The following ST3GAL4 variants were observed in gnomAD, a reference collection of about 807,000 sequenced individuals.
ST3GAL4 encodes the protein CMP-N-acetylneuraminate-beta-galactosamide-alpha-2,3-sialyltransferase 4.
ST3GAL4 carries 24 observed loss-of-function variants against 42.6 expected under a neutral mutation model. The observed-to-expected ratio is 0.56, with a 90% CI of 0.41 to 0.79. ST3GAL4 has a LOEUF of 0.79. Among genes scored for constraint, ST3GAL4 ranks in the 30% least tolerant of loss-of-function variants. ST3GAL4 has a pLI of 0.00. For missense variants in ST3GAL4, 311 were observed against 430.8 expected, an observed-to-expected ratio of 0.72 and a Z score of 2.46; for synonymous variants, 135 against 163.2, an observed-to-expected ratio of 0.83 and a Z score of 1.32.
intron 8 of ST3GAL4, chr11:126,408,932 C>T: frequency 2.4e-6 from 1 of 418,774 alleles, no homozygotes; most frequent in Non-Finnish European, 4.3e-6. Flanking sequence ...CTGAACTGTC[C>T]CATCTGGCAT....
rs150393998 is a variant in ST3GAL4, at chr11:126,386,298, A to T, written c.-60-19798A>T. On this transcript the variant is annotated intron_variant, in intron 1 of 10. Coordinates refer to ENST00000444328, the MANE Select transcript of ST3GAL4 (RefSeq NM_001254757.2). The surrounding 1 kb of genome is among the most constrained non-coding windows in gnomAD (Gnocchi z 4.7). ...CGTGTGTCTGTGCCCCCCAAGGATG[A>T]ATGCCATGAGTCCAGCATGTCACCC... Among the ~76,000 whole-genome samples the T allele has an allele frequency of 2.0e-4, 30 of 152,078 alleles. No individual in the cohort carries two copies. Among genetic ancestry groups the T allele is most frequent in the African/African-American group, 5.8e-4 (24 of 41,488 alleles).
chr11:126,359,682 T>C lies in ST3GAL4; in HGVS notation c.-61+3840T>C, dbSNP rs1952180383. Reference sequence around the variant, plus strand: ...GGGCCGTACCCTGAGCACACGCTTGTCCGCTTTCTCAGCTGGGCGGGGCGG... The same window carrying C: ...GGGCCGTACCCTGAGCACACGCTTGCCCGCTTTCTCAGCTGGGCGGGGCGG... On this transcript the variant is annotated intron_variant, in intron 1 of 10. Coordinates refer to ENST00000444328, the MANE Select transcript of ST3GAL4 (RefSeq NM_001254757.2). The surrounding 1 kb of genome is among the most constrained non-coding windows in gnomAD (Gnocchi z 4.8). 6.6e-6 allele frequency among the ~76,000 whole-genome samples: 1 copy of C among 152,142 alleles called. No homozygotes were observed. The highest frequency in any genetic ancestry group is 2.1e-4 in the South Asian group (1 of 4,834).
rs1952430869 is a variant in ST3GAL4, at chr11:126,366,491, T to C, written c.-61+10649T>C. Among the ~76,000 whole-genome samples, 1 of 151,852 alleles carries C rather than the reference T, an allele frequency of 6.6e-6. No individual in the cohort carries two copies. Among genetic ancestry groups the C allele is most frequent in the South Asian group, 2.1e-4 (1 of 4,802 alleles). ...GAGAAGCCTGTGTAGGTTACTGACA[T>C]GGGGAGGGGTGGGGCTTGCTTTCCT... On this transcript the variant is annotated intron_variant, in intron 1 of 10. Coordinates refer to ENST00000444328, the MANE Select transcript of ST3GAL4 (RefSeq NM_001254757.2). This position sits in a 1 kb window ranked among gnomAD's most constrained non-coding sequence, Gnocchi z 4.2.
At chr11:126,377,479 C>CTTTT (rs59029262) in intron 1 of ST3GAL4, among the ~76,000 whole-genome samples, 79 of 117,636 alleles carry the variant, frequency 6.7e-4, no homozygotes, top group African/African-American at 1.9e-3. Flanking sequence ...CCAACACCTT[C>CTTTT]TTTTTTTTTT....
At chr11:126,367,613 G>A (rs1309737387) in intron 1 of ST3GAL4, among the ~76,000 whole-genome samples, 1 of 152,192 alleles carries the variant, frequency 6.6e-6, no homozygotes, top group East Asian at 1.9e-4. Flanking sequence ...TGAGGCTCAG[G>A]ACACCTCTGA....
At chr11:126,402,510 G>A (rs910777571) in intron 1 of ST3GAL4, among the ~76,000 whole-genome samples, 18 of 151,402 alleles carry the variant, frequency 1.2e-4, no homozygotes, top group South Asian at 4.2e-4. Context: ...GTAAGTGGTC[G>A]CTTGTGATCA....
intron 1 of ST3GAL4, among the ~76,000 whole-genome samples, chr11:126,402,450 T>TGAAA (rs1954045800): frequency 9.3e-6 from 1 of 107,928 alleles, no homozygotes; most frequent in African/African-American, 4.3e-5. Context: ...CAAGACTGTC[T>TGAAA]GAAAAAAAAA....
Position 126,386,782 on chromosome 11 carries a change from G to A in ST3GAL4, c.-60-19314G>A, listed in dbSNP as rs1953241996. ...CAACGCCCAGGTCTGTGCACATCCA[G>A]ATCTTTGCACTGCGCTGTTTTGACT... On this transcript the variant is annotated intron_variant, in intron 1 of 10. Coordinates refer to ENST00000444328, the MANE Select transcript of ST3GAL4 (RefSeq NM_001254757.2). This position sits in a 1 kb window ranked among gnomAD's most constrained non-coding sequence, Gnocchi z 4.7. 6.6e-6 allele frequency among the ~76,000 whole-genome samples: 1 copy of A among 152,224 alleles called. No homozygotes were observed. Among genetic ancestry groups the A allele is most frequent in the Admixed American group, 6.5e-5 (1 of 15,284 alleles).
rs1565412210 is a variant in ST3GAL4, at chr11:126,391,935, T to TTGTGTGTG, written c.-60-14161_-60-14160insTGTGTGTG. ...GCTCAGAACACCTGTGATAACTTGG[T>TTGTGTGTG]CGTGTGTGTGTGTGTGTGTGTGTGT... On this transcript the variant is annotated intron_variant, in intron 1 of 10. Transcript: ENST00000444328. This position sits in a 1 kb window ranked among gnomAD's most constrained non-coding sequence, Gnocchi z 5.5. 6.1e-5 allele frequency among the ~76,000 whole-genome samples: 7 copies of TTGTGTGTG among 114,168 alleles called. No individual in the cohort carries two copies. The highest frequency in any genetic ancestry group is 2.2e-4 in the African/African-American group (6 of 27,586). 74.9% of individuals were successfully genotyped at this position (114,168 alleles called of 152,430 possible).
At chr11:126,358,395 C>A in intron 1 of ST3GAL4, 1 of 412,794 alleles carries the variant, frequency 2.4e-6, no homozygotes, top group Non-Finnish European at 4.9e-6. Context: ...ACCCCCTCTT[C>A]TTTGTTGCCC....
rs1367903882 is a variant in ST3GAL4, at chr11:126,373,049, T to G, written c.-61+17207T>G. Reference sequence around the variant, plus strand: ...TACTGATATTATATATTCAAGTATTTGTTGATTACATGCACTGTACCTGAC... The same window carrying G: ...TACTGATATTATATATTCAAGTATTGGTTGATTACATGCACTGTACCTGAC... On this transcript the variant is annotated intron_variant, in intron 1 of 10. Transcript: ENST00000444328. The surrounding 1 kb of genome is among the most constrained non-coding windows in gnomAD (Gnocchi z 5.5). 1.3e-5 allele frequency among the ~76,000 whole-genome samples: 2 copies of G among 152,236 alleles called. No homozygotes were observed. Among genetic ancestry groups the G allele is most frequent in the African/African-American group, 4.8e-5 (2 of 41,464 alleles).
rs1365937597 is a variant in ST3GAL4, at chr11:126,386,470, A to G, written c.-60-19626A>G. ...CCCCAGCCTGTGCTGGGACAGGGGT[A>G]TTATTCCAGTAGCCCTTCTGTGGAA... On this transcript the variant is annotated intron_variant, in intron 1 of 10. Coordinates refer to ENST00000444328, the MANE Select transcript of ST3GAL4 (RefSeq NM_001254757.2). The surrounding 1 kb of genome is among the most constrained non-coding windows in gnomAD (Gnocchi z 4.7). 6.6e-6 allele frequency among the ~76,000 whole-genome samples: 1 copy of G among 152,004 alleles called. No homozygotes were observed. The highest frequency in any genetic ancestry group is 1.5e-5 in the Non-Finnish European group (1 of 68,006).
Position 126,384,663 on chromosome 11 carries a change from T to C in ST3GAL4, c.-60-21433T>C, listed in dbSNP as rs1328105775. The C allele has an allele frequency of 2.0e-6, 2 of 985,016 alleles. No homozygotes were observed. Among genetic ancestry groups the C allele is most frequent in the Non-Finnish European group, 2.4e-6 (2 of 829,642 alleles). 61.0% of individuals were successfully genotyped at this position (985,016 alleles called of 1,614,324 possible). A position where few individuals can be genotyped will look rare whatever the true frequency, so the allele number is the denominator to read the frequency against. On this transcript the variant is annotated intron_variant, in intron 1 of 10. Coordinates refer to ENST00000444328, the MANE Select transcript of ST3GAL4 (RefSeq NM_001254757.2). This position sits in a 1 kb window ranked among gnomAD's most constrained non-coding sequence, Gnocchi z 5.5. ...GATGTGCTACACCCAGACAGACAGA[T>C]GGAGAGCCACCTCCCTAGGGGCCTC...
Position 126,386,523 on chromosome 11 carries a change from T to C in ST3GAL4, c.-60-19573T>C, listed in dbSNP as rs1188476252. Among the ~76,000 whole-genome samples the C allele has an allele frequency of 3.9e-5, 6 of 152,276 alleles. No individual in the cohort carries two copies. The highest frequency in any genetic ancestry group is 2.1e-4 in the South Asian group (1 of 4,822). On this transcript the variant is annotated intron_variant, in intron 1 of 10. Transcript: ENST00000444328. The surrounding 1 kb of genome is among the most constrained non-coding windows in gnomAD (Gnocchi z 4.7). ...AGTAGGGAAGGAGTGATGTGACCTCTGTGGCTCTCCTGGGACACAGGTTAG... is the reference window on the plus strand; with the variant it reads ...AGTAGGGAAGGAGTGATGTGACCTCCGTGGCTCTCCTGGGACACAGGTTAG...
chr11:126,371,309 C>G (rs183150259), intron 1 of ST3GAL4, among the ~76,000 whole-genome samples: 8 of 151,736 alleles, frequency 5.3e-5, no homozygotes, highest in South Asian at 2.1e-4. Context: ...GGATTACAGA[C>G]GCACGCCATC....
chr11:126,406,868 A>G lies in ST3GAL4; in HGVS notation c.102-75A>G, dbSNP rs538691174. The G allele has an allele frequency of 1.5e-6, 2 of 1,365,836 alleles. No homozygotes were observed. Among genetic ancestry groups the G allele is most frequent in the Non-Finnish European group, 2.1e-6 (2 of 963,280 alleles). 84.6% of individuals were successfully genotyped at this position (1,365,836 alleles called of 1,614,324 possible). The stretch of plus-strand genomic sequence containing the variant: ...CCTTGGGACCTTCATGCCGTGGGAG[A>G]AGGCTTAGGCTGCCTGGAACATGGG... On this transcript the variant is annotated intron_variant, in intron 3 of 10. Coordinates refer to ENST00000444328, the MANE Select transcript of ST3GAL4 (RefSeq NM_001254757.2). This position sits in a 1 kb window ranked among gnomAD's most constrained non-coding sequence, Gnocchi z 5.4.
At chr11:126,370,087 A>T (rs1242484654) in intron 1 of ST3GAL4, among the ~76,000 whole-genome samples, 2 of 152,370 alleles carry the variant, frequency 1.3e-5, no homozygotes, top group South Asian at 4.1e-4. Flanking sequence ...TGCTGTTAGA[A>T]AAAGTGCTGC....
intron 9 of ST3GAL4, among the ~76,000 whole-genome samples, chr11:126,412,185 C>T (rs1485506417): frequency 6.6e-6 from 1 of 152,040 alleles, no homozygotes; most frequent in Non-Finnish European, 1.5e-5. Flanking sequence ...AGACTGTGTC[C>T]AGGCAGAGCT....
At chr11:126,407,423 G>C in intron 5 of ST3GAL4, 74 bp downstream of exon 5, 10 of 1,573,522 alleles carry the variant, frequency 6.4e-6, no homozygotes, top group Non-Finnish European at 8.7e-6. Context: ...TGCCGTCCAC[G>C]GCCCCAGTGC....
Sources: allele counts gnomAD v4.1 joint callset (sites outside exome capture counted in the v4.1 genomes callset), GRCh38; gene constraint gnomAD v4.1.1; non-coding constraint Gnocchi (gnomAD v3.1); transcripts MANE v1.5; gene names NCBI Gene and HGNC (gene_info 2026-07-23, HGNC 2026-07-21).